Variants in MBD5 observed in about 807,000 individuals in gnomAD.
The protein encoded by MBD5 is methyl-CpG-binding domain protein 5.
A neutral mutation model predicts 117.3 loss-of-function variants in MBD5; 13 were observed. The observed-to-expected ratio is 0.11, with a 90% confidence interval of 0.07 to 0.18. MBD5 has a LOEUF of 0.18. Ranked by LOEUF, MBD5 falls within the 10% of genes least tolerant of loss-of-function variation. The pLI, the probability that MBD5 is intolerant of heterozygous loss-of-function variation, is 1.00. For missense variants in MBD5, 1,879 were observed against 2,093.8 expected, an observed-to-expected ratio of 0.90 and a Z score of 2.00; for synonymous variants, 727 against 766.4, an observed-to-expected ratio of 0.95 and a Z score of 0.85.
chr2:148,248,308 T>C (rs540474679), intron 3 of MBD5, among the ~76,000 whole-genome samples: 1 of 152,158 alleles, frequency 6.6e-6, no homozygotes, highest in Non-Finnish European at 1.5e-5. Flanking sequence ...ATCTCTTTGA[T>C]CATTTGAATA....
chr2:148,028,277 T>C (rs1433855601), intron 1 of MBD5: 4 of 152,076 alleles, frequency 2.6e-5, no homozygotes, highest in Non-Finnish European at 5.9e-5. Context: ...TGGTGAAAAG[T>C]TTTTGTACAC....
At chr2:148,237,802 A>T (rs2106173765) in intron 3 of MBD5, among the ~76,000 whole-genome samples, 1 of 152,312 alleles carries the variant, frequency 6.6e-6, no homozygotes, top group South Asian at 2.1e-4. Flanking sequence ...AAAATGAGGT[A>T]TGCCTACATT....
chr2:148,046,651 G>T (rs911059908), intron 1 of MBD5, among the ~76,000 whole-genome samples: 3 of 152,032 alleles, frequency 2.0e-5, no homozygotes, highest in Admixed American at 2.0e-4. Context: ...TCCTAAGTCC[G>T]CTCAGTTCTA....
rs1682292916 is a variant in MBD5, at chr2:148,514,161, A to T, written c.*1220A>T. The T allele has an allele frequency of 6.6e-6, 1 of 152,176 alleles. No homozygotes were observed. Among genetic ancestry groups the T allele is most frequent in the Non-Finnish European group, 1.5e-5 (1 of 68,024 alleles). 9.4% of individuals were successfully genotyped at this position (152,176 alleles called of 1,614,324 possible). A position where few individuals can be genotyped will look rare whatever the true frequency, so the allele number is the denominator to read the frequency against. ...AAAGAATTATTTATACCATTAACAG[A>T]TTCTTATATATATTAATGTGGCAAA... On this transcript the variant is annotated 3_prime_UTR_variant, in exon 14 of 14. Coordinates refer to ENST00000642680, the MANE Select transcript of MBD5 (RefSeq NM_001378120.1).
chr2:148,426,613 A>T (rs1325392223), intron 4 of MBD5, among the ~76,000 whole-genome samples: 1 of 152,168 alleles, frequency 6.6e-6, no homozygotes, highest in Non-Finnish European at 1.5e-5. Flanking sequence ...AGAAAGCTGA[A>T]ACTGGATCCC....
chr2:148,023,552 C>G (rs1693823804), intron 1 of MBD5, among the ~76,000 whole-genome samples: 1 of 152,124 alleles, frequency 6.6e-6, no homozygotes, highest in South Asian at 2.1e-4. Flanking sequence ...AAGTTTTTCT[C>G]CCAACATCAA....
At chr2:148,231,073 C>T (rs896478727) in intron 2 of MBD5, among the ~76,000 whole-genome samples, 3 of 152,072 alleles carry the variant, frequency 2.0e-5, no homozygotes, top group African/African-American at 7.2e-5. Flanking sequence ...AGTCACATAC[C>T]CCCCTCCTCC....
intron 1 of MBD5, among the ~76,000 whole-genome samples, chr2:148,113,349 C>A (rs1696547181): frequency 1.3e-5 from 2 of 152,062 alleles, no homozygotes; most frequent in South Asian, 4.1e-4. Flanking sequence ...GGGAATATTA[C>A]CTTGTCAAAA....
At chr2:148,202,410 G>C in intron 2 of MBD5, among the ~76,000 whole-genome samples, 1 of 152,068 alleles carries the variant, frequency 6.6e-6, no homozygotes, top group East Asian at 1.9e-4. Context: ...GCAGCAGAAT[G>C]GAACAGCAAA....
intron 2 of MBD5, among the ~76,000 whole-genome samples, chr2:148,226,537 A>G (rs1257483469): frequency 2.0e-5 from 3 of 152,122 alleles, no homozygotes; most frequent in Non-Finnish European, 4.4e-5. Context: ...GTTGGTTCCA[A>G]GTCTTTGCTA....
chr2:148,278,543 CAT>C (rs1392226691), intron 3 of MBD5, among the ~76,000 whole-genome samples: 1 of 152,122 alleles, frequency 6.6e-6, no homozygotes, highest in African/African-American at 2.4e-5. Flanking sequence ...TTAAGGCCAT[CAT>C]TTTAAAAATC....
intron 1 of MBD5, among the ~76,000 whole-genome samples, chr2:148,033,773 A>G (rs558062343): frequency 2.6e-4 from 39 of 152,288 alleles, no homozygotes; most frequent in African/African-American, 8.9e-4. Context: ...GGTGATCTTG[A>G]ACTTAATTTT....
chr2:148,214,167 GA>G (rs1699495569), intron 2 of MBD5, among the ~76,000 whole-genome samples: 1 of 152,158 alleles, frequency 6.6e-6, no homozygotes, highest in South Asian at 2.1e-4. Flanking sequence ...CCTTCTAGGT[GA>G]GAGGCCAACA....
At chr2:148,407,390 GTGTC>G (rs1007246266) in intron 4 of MBD5, among the ~76,000 whole-genome samples, 5 of 151,762 alleles carry the variant, frequency 3.3e-5, no homozygotes, top group African/African-American at 1.2e-4. Context: ...GTGTGTCTGT[GTGTC>G]TGTATGTATT....
intron 4 of MBD5, among the ~76,000 whole-genome samples, chr2:148,399,924 T>G (rs1210425553): frequency 6.6e-6 from 1 of 152,126 alleles, no homozygotes; most frequent in African/African-American, 2.4e-5. Context: ...TGTGGTTTTT[T>G]TCGTTGGTCC....
intron 2 of MBD5, among the ~76,000 whole-genome samples, chr2:148,224,141 G>GTCTTC (rs1192539877): frequency 6.6e-6 from 1 of 152,090 alleles, no homozygotes; most frequent in African/African-American, 2.4e-5. Flanking sequence ...GTGACCTAAT[G>GTCTTC]TCTTCTCTTG....
At chr2:148,392,016 A>G (rs973602993) in intron 4 of MBD5, among the ~76,000 whole-genome samples, 5 of 152,160 alleles carry the variant, frequency 3.3e-5, no homozygotes, top group Non-Finnish European at 5.9e-5. Context: ...AGTATAGCAC[A>G]TATGTAAATT....
At chr2:148,098,827 G>T (rs986995676) in intron 1 of MBD5, among the ~76,000 whole-genome samples, 1 of 152,056 alleles carries the variant, frequency 6.6e-6, no homozygotes, top group Admixed American at 6.6e-5. Context: ...GAGACTGGAG[G>T]ATTGCTTGAA....
At chr2:148,290,557 A>G (rs1701477535) in intron 3 of MBD5, among the ~76,000 whole-genome samples, 1 of 152,110 alleles carries the variant, frequency 6.6e-6, no homozygotes, top group Non-Finnish European at 1.5e-5. Flanking sequence ...TGACTTATCA[A>G]TACTAAGCCA....
Sources: allele counts gnomAD v4.1 joint callset (sites outside exome capture counted in the v4.1 genomes callset), GRCh38; gene constraint gnomAD v4.1.1; transcripts MANE v1.5; gene names NCBI Gene and HGNC (gene_info 2026-07-23, HGNC 2026-07-21).